Variants in GRID1 observed in about 807,000 individuals in gnomAD.
The protein encoded by GRID1 is glutamate receptor ionotropic, delta-1.
A neutral mutation model predicts 98.0 loss-of-function variants in GRID1; 28 were observed. The observed-to-expected ratio is 0.29, with a 90% CI of 0.21 to 0.39. The LOEUF (loss-of-function observed/expected upper bound fraction) is 0.39, where lower values mean the gene tolerates loss of function less well. Among genes scored for constraint, GRID1 ranks in the 10% least tolerant of loss-of-function variants. The pLI is 1.00. For synonymous variants in GRID1, 553 were observed against 538.5 expected (o/e 1.03, Z -0.37); for missense variants, 1,111 against 1,340.5 (o/e 0.83, Z 2.67).
intron 2 of GRID1, among the ~76,000 whole-genome samples, chr10:86,313,602 T>G (rs1170446976): frequency 6.6e-6 from 1 of 152,140 alleles, no homozygotes; most frequent in Non-Finnish European, 1.5e-5. Context: ...TAGGCTCAGT[T>G]CAGTAGGTCC....
At chr10:85,715,691 T>TA (rs556044572) in intron 12 of GRID1, among the ~76,000 whole-genome samples, 273 of 151,900 alleles carry the variant, frequency 1.8e-3, no homozygotes, top group Non-Finnish European at 3.3e-3. Context: ...ATGGCTATGA[T>TA]AAAAAAAAGA....
intron 6 of GRID1, among the ~76,000 whole-genome samples, chr10:85,858,442 A>C (rs1843134325): frequency 6.6e-6 from 1 of 152,114 alleles, no homozygotes; most frequent in South Asian, 2.1e-4. Flanking sequence ...CTGTGCCCTC[A>C]GCCACTTGAG....
At chr10:85,792,195 A>G (rs200076314) in intron 8 of GRID1, among the ~76,000 whole-genome samples, 1 of 152,294 alleles carries the variant, frequency 6.6e-6, no homozygotes, top group East Asian at 1.9e-4. Context: ...TTATGCCTCA[A>G]CTGCCAGTGC....
At chr10:85,901,344 T>C (rs1051753956) in intron 5 of GRID1, among the ~76,000 whole-genome samples, 1 of 152,106 alleles carries the variant, frequency 6.6e-6, no homozygotes, top group Admixed American at 6.6e-5. Flanking sequence ...CCTCATGGGT[T>C]CACGCCATTC....
intron 3 of GRID1, among the ~76,000 whole-genome samples, chr10:86,142,839 G>A (rs1310324967): frequency 2.6e-5 from 4 of 152,216 alleles, no homozygotes; most frequent in African/African-American, 9.7e-5. Flanking sequence ...CCTTCCCTGA[G>A]CTCCCTCTAC....
At chr10:86,262,203 G>C (rs868425608) in intron 2 of GRID1, among the ~76,000 whole-genome samples, 1 of 152,216 alleles carries the variant, frequency 6.6e-6, no homozygotes, top group Non-Finnish European at 1.5e-5. Flanking sequence ...GCAGCCTCTC[G>C]GAGCTCTGCT....
intron 2 of GRID1, among the ~76,000 whole-genome samples, chr10:86,233,577 C>T (rs1245002105): frequency 6.6e-6 from 1 of 152,194 alleles, no homozygotes; most frequent in Admixed American, 6.5e-5. Context: ...GGGTAGCTCA[C>T]AGCCAACATC....
intron 4 of GRID1, among the ~76,000 whole-genome samples, chr10:85,920,354 A>T (rs1841685291): frequency 6.6e-6 from 1 of 152,192 alleles, no homozygotes; most frequent in African/African-American, 2.4e-5. Context: ...ATGATCAGTC[A>T]GCGCAAAGTT....
At chr10:85,610,245 T>C (rs555771749) in intron 15 of GRID1, among the ~76,000 whole-genome samples, 1 of 152,360 alleles carries the variant, frequency 6.6e-6, no homozygotes, top group African/African-American at 2.4e-5. Flanking sequence ...TTTGAAGGTT[T>C]TAAGAATATG....
chr10:86,303,755 A>C (rs1219531079), intron 2 of GRID1, among the ~76,000 whole-genome samples: 1 of 152,210 alleles, frequency 6.6e-6, no homozygotes, highest in African/African-American at 2.4e-5. Context: ...ACAGGGAGCT[A>C]TTTGAGAAGC....
chr10:85,617,345 G>C (rs1355019361), intron 14 of GRID1, among the ~76,000 whole-genome samples: 2 of 151,544 alleles, frequency 1.3e-5, no homozygotes, highest in Admixed American at 6.6e-5. Flanking sequence ...CAATTTTCAT[G>C]CCTCAGCCTC....
intron 5 of GRID1, among the ~76,000 whole-genome samples, chr10:85,904,765 C>G (rs1440820011): frequency 6.9e-6 from 1 of 145,228 alleles, no homozygotes; most frequent in Non-Finnish European, 1.5e-5. Flanking sequence ...CATCGACAAA[C>G]AAAATATCAC....
At chr10:85,667,976 G>A (rs1399348403) in intron 12 of GRID1, among the ~76,000 whole-genome samples, 1 of 152,212 alleles carries the variant, frequency 6.6e-6, no homozygotes, top group African/African-American at 2.4e-5. Flanking sequence ...GCAAAGGCCA[G>A]CCATGCAGAA....
chr10:86,069,334 G>T (rs550636677), intron 4 of GRID1, among the ~76,000 whole-genome samples: 1 of 152,176 alleles, frequency 6.6e-6, no homozygotes, highest in Non-Finnish European at 1.5e-5. Flanking sequence ...AGAGAGCCTC[G>T]CCCTGAGAGG....
intron 12 of GRID1, among the ~76,000 whole-genome samples, chr10:85,680,665 G>A (rs111303815): frequency 1.3e-5 from 2 of 152,122 alleles, no homozygotes; most frequent in African/African-American, 2.4e-5. Context: ...AAAAAGATAT[G>A]TGCACTCATG....
intron 13 of GRID1, among the ~76,000 whole-genome samples, chr10:85,628,647 T>C (rs1842938618): frequency 6.6e-6 from 1 of 152,134 alleles, no homozygotes; most frequent in South Asian, 2.1e-4. Context: ...TCAGGAAACC[T>C]GCTACCCAAA....
At chr10:85,794,322 A>G (rs1472353181) in intron 8 of GRID1, among the ~76,000 whole-genome samples, 1 of 152,256 alleles carries the variant, frequency 6.6e-6, no homozygotes, top group Admixed American at 6.5e-5. Flanking sequence ...AAACAAGCAC[A>G]GCTATTTCCG....
intron 4 of GRID1, among the ~76,000 whole-genome samples, chr10:85,994,006 T>C (rs1159328012): frequency 6.6e-6 from 1 of 152,172 alleles, no homozygotes; most frequent in Non-Finnish European, 1.5e-5. Flanking sequence ...TCCACGGAGA[T>C]GGACATTGCA....
chr10:86,104,809 C>A (rs1375826434), intron 4 of GRID1, among the ~76,000 whole-genome samples: 1 of 152,224 alleles, frequency 6.6e-6, no homozygotes, highest in Non-Finnish European at 1.5e-5. Flanking sequence ...ATCTTATTCC[C>A]AGGACCCGGC....
Sources: gnomAD v4.1 joint callset for allele counts (sites outside exome capture counted in the v4.1 genomes callset) on GRCh38, gnomAD v4.1.1 for gene constraint, MANE v1.5 for transcripts, NCBI Gene and HGNC (gene_info 2026-07-23, HGNC 2026-07-21) for gene names.